Variants in LAMP2 observed in about 807,000 individuals in gnomAD.
LAMP2 encodes the protein lysosome associated membrane protein 2.
LAMP2 carries 4 observed loss-of-function variants against 25.6 expected under a neutral mutation model. That is an observed-to-expected ratio of 0.16 (90% CI 0.08 to 0.36). The LOEUF is 0.36. LAMP2 is among the 10% of genes least tolerant of loss of function. The pLI is 1.00. For missense variants in LAMP2, 272 were observed against 301.4 expected, an observed-to-expected ratio of 0.90 and a Z score of 0.72; for synonymous variants, 108 against 112.7, an observed-to-expected ratio of 0.96 and a Z score of 0.27.
intron 2 of LAMP2, 23 bp downstream of exon 2, chrX:120,456,628 G>T: frequency 1.2e-6 from 1 of 842,994 alleles, no homozygotes; most frequent in Non-Finnish European, 1.7e-6. Flanking sequence ...AAAACTCAAA[G>T]AAAAATTAAA....
intron 8 of LAMP2, among the ~76,000 whole-genome samples, chrX:120,432,833 G>A (rs1258064456): frequency 1.8e-5 from 2 of 110,143 alleles, no homozygotes; most frequent in South Asian, 3.9e-4. Flanking sequence ...GGTAGCTTAC[G>A]CCTGTAGTCC....
intron 1 of LAMP2, among the ~76,000 whole-genome samples, chrX:120,468,397 C>G (rs780142008): frequency 5.2e-4 from 58 of 110,888 alleles, no homozygotes; most frequent in African/African-American, 1.7e-3. Context: ...ACCCCTTAGT[C>G]TCCAGAGGTT....
At chrX:120,439,123 T>C in intron 8 of LAMP2, 1 of 1,209,596 alleles carries the variant, frequency 8.3e-7, no homozygotes, top group African/African-American at 1.7e-5. Context: ...TGCTTTTTTC[T>C]TTTGTAACAG....
At chrX:120,457,512 G>A (rs1475703373) in intron 1 of LAMP2, among the ~76,000 whole-genome samples, 1 of 112,268 alleles carries the variant, frequency 8.9e-6, no homozygotes. Flanking sequence ...AAAGGCTGAT[G>A]AATTTTTTGA....
chrX:120,437,853 G>C (rs2058552270), intron 8 of LAMP2: 1 of 709,210 alleles, frequency 1.4e-6, no homozygotes, highest in Non-Finnish European at 1.7e-6. Flanking sequence ...TTGTTTGTTT[G>C]TTTTGTTTTG....
At chrX:120,460,824 G>A (rs1399238659) in intron 1 of LAMP2, among the ~76,000 whole-genome samples, 2 of 112,070 alleles carry the variant, frequency 1.8e-5, no homozygotes, top group Non-Finnish European at 3.8e-5. Context: ...GGTGGCACAT[G>A]CCTGTAATCT....
intron 8 of LAMP2, among the ~76,000 whole-genome samples, chrX:120,440,161 CA>C (rs1426848576): frequency 9.0e-6 from 1 of 111,650 alleles, no homozygotes; most frequent in Non-Finnish European, 1.9e-5. Flanking sequence ...CATATGGCAC[CA>C]AAGCCTAAAA....
At chrX:120,467,680 G>T (rs1404086833) in intron 1 of LAMP2, among the ~76,000 whole-genome samples, 2 of 112,199 alleles carry the variant, frequency 1.8e-5, no homozygotes, top group East Asian at 5.6e-4. Context: ...TCACTTTTAG[G>T]CATTAAAGTT....
In LAMP2 at chrX:120,428,953, G is replaced by C. The variant is rs539545568; in HGVS notation, c.*2370C>G. Reference sequence around the variant, plus strand: ...TCATCTACACTTAAAACCACTGCCTGTGTATTTCCCTACTCTCTTTCTCTT... The same window carrying C: ...TCATCTACACTTAAAACCACTGCCTCTGTATTTCCCTACTCTCTTTCTCTT... On this transcript the variant is annotated 3_prime_UTR_variant, in exon 9 of 9. Transcript: ENST00000200639. 8.8e-5 allele frequency: 64 copies of C among 729,230 alleles called. No homozygotes were observed. The African/African-American group carries it at 1.5e-3, about 17-fold the overall frequency. 60.1% of individuals were successfully genotyped at this position (729,230 alleles called of 1,213,427 possible). A position where few individuals can be genotyped will look rare whatever the true frequency, so the allele number is the denominator to read the frequency against.
chrX:120,451,922 AAG>A (rs1331895183), intron 3 of LAMP2, among the ~76,000 whole-genome samples: 2 of 112,093 alleles, frequency 1.8e-5, no homozygotes, highest in Non-Finnish European at 3.8e-5. Context: ...TAAAAGGGGA[AAG>A]AGAGAAGTGT....
At chrX:120,466,795 A>G (rs1422941041) in intron 1 of LAMP2, among the ~76,000 whole-genome samples, 1 of 110,857 alleles carries the variant, frequency 9.0e-6, no homozygotes, top group East Asian at 2.8e-4. Flanking sequence ...TCTGCTGTAC[A>G]CTGGTGAGAG....
In LAMP2 at chrX:120,468,310, G is replaced by A. The variant is rs73219150; in HGVS notation, c.64+796C>T. Among the ~76,000 whole-genome samples, 708 of 110,962 alleles carry A rather than the reference G, an allele frequency of 6.4e-3. 1 individual carries two copies. The highest frequency in any genetic ancestry group is 9.6e-3 in the Non-Finnish European group (506 of 52,931). On this transcript the variant is annotated intron_variant, in intron 1 of 8. Transcript: ENST00000200639. The stretch of plus-strand genomic sequence containing the variant: ...TTTGTCAGCGTCTGGCTGGGAGGAA[G>A]TAGCAAAACTGGGAGAAAATCGACA...
At position 120,428,470 on chromosome X, in the gene LAMP2, C is replaced by T; in HGVS notation, c.*2853G>A. ...TCTAATTGAAAAAAACAAACAAACA[C>T]TAGATTTAACTGATTACACAGACTG... On this transcript the variant is annotated 3_prime_UTR_variant, in exon 9 of 9. Coordinates refer to ENST00000200639, the MANE Select transcript of LAMP2 (RefSeq NM_002294.3). 8.7e-7 allele frequency: 1 copy of T among 1,145,513 alleles called. No individual in the cohort carries two copies. Among genetic ancestry groups the T allele is most frequent in the East Asian group, 3.2e-5 (1 of 31,156 alleles). 94.4% of individuals were successfully genotyped at this position (1,145,513 alleles called of 1,213,427 possible). A position where few individuals can be genotyped will look rare whatever the true frequency, so the allele number is the denominator to read the frequency against.
At chrX:120,462,945 C>A (rs1266947383) in intron 1 of LAMP2, among the ~76,000 whole-genome samples, 1 of 112,367 alleles carries the variant, frequency 8.9e-6, no homozygotes, top group Non-Finnish European at 1.9e-5. Context: ...TACCAATTTA[C>A]AAGTCTCCTT....
At chrX:120,452,423 G>A (rs928338002) in intron 3 of LAMP2, among the ~76,000 whole-genome samples, 3 of 111,850 alleles carry the variant, frequency 2.7e-5, no homozygotes, top group Non-Finnish European at 5.6e-5. Context: ...TTCAGCTCAG[G>A]TCCTACTTCT....
chrX:120,426,950 G>A lies in LAMP2; in HGVS notation c.*4373C>T, dbSNP rs943576324. On this transcript the variant is annotated 3_prime_UTR_variant, in exon 9 of 9. Coordinates refer to ENST00000200639, the MANE Select transcript of LAMP2 (RefSeq NM_002294.3). ...CAGTTTTTGAGATGTACATGTTTTTGAGATGTACATATAGAGAAGGCAGTA... is the reference window on the plus strand; with the variant it reads ...CAGTTTTTGAGATGTACATGTTTTTAAGATGTACATATAGAGAAGGCAGTA... Among the ~76,000 whole-genome samples, 3 of 111,938 alleles carry A rather than the reference G, an allele frequency of 2.7e-5. No homozygotes were observed. The highest frequency in any genetic ancestry group is 5.6e-5 in the Non-Finnish European group (3 of 53,182).
chrX:120,434,584 T>A (rs1265277759), intron 8 of LAMP2, among the ~76,000 whole-genome samples: 1 of 112,022 alleles, frequency 8.9e-6, no homozygotes, highest in Non-Finnish European at 1.9e-5. Flanking sequence ...TAACGCTGTA[T>A]TGAAAATGCT....
chrX:120,457,794 G>A (rs186564669), intron 1 of LAMP2, among the ~76,000 whole-genome samples: 40 of 112,674 alleles, frequency 3.6e-4, no homozygotes, highest in African/African-American at 1.2e-3. Context: ...AGGGTAAGCT[G>A]TTTCCTGTTA....
chrX:120,456,922 A>G (rs1023625913), intron 1 of LAMP2, among the ~76,000 whole-genome samples, 153 bp from the exon 2 acceptor site: 1 of 111,280 alleles, frequency 9.0e-6, no homozygotes, highest in African/African-American at 3.3e-5. Flanking sequence ...ATATACATAT[A>G]TGTGTATATA....
Sources: allele counts gnomAD v4.1 joint callset (sites outside exome capture counted in the v4.1 genomes callset), GRCh38; gene constraint gnomAD v4.1.1; transcripts MANE v1.5; gene names NCBI Gene and HGNC (gene_info 2026-07-23, HGNC 2026-07-21).